Variants in RAP1GAP2 observed in about 807,000 individuals in gnomAD.
RAP1GAP2 encodes the protein rap1 GTPase-activating protein 2.
A neutral mutation model predicts 95.0 loss-of-function variants in RAP1GAP2; 27 were observed. The observed-to-expected ratio is 0.28, with a 90% CI of 0.21 to 0.39. The LOEUF (loss-of-function observed/expected upper bound fraction) is 0.39. Among genes scored for constraint, RAP1GAP2 ranks in the 10% least tolerant of loss-of-function variants. The pLI, the probability that RAP1GAP2 is intolerant of heterozygous loss-of-function variation, is 1.00. For missense variants in RAP1GAP2, 771 were observed against 970.0 expected, an observed-to-expected ratio of 0.79 and a Z score of 2.72; for synonymous variants, 373 against 380.9, an observed-to-expected ratio of 0.98 and a Z score of 0.24.
rs561321657 is a variant in RAP1GAP2 at position 2,821,083 on chromosome 17, C to T, written c.80+20533C>T. On this transcript the variant is annotated intron_variant, in intron 2 of 24. Transcript: ENST00000254695. ...AAACATGAACAGATCTCTGAATAAGCGCTTGGAAACCCTCATGGCTCCACT... is the reference window on the plus strand; with the variant it reads ...AAACATGAACAGATCTCTGAATAAGTGCTTGGAAACCCTCATGGCTCCACT... Among the ~76,000 whole-genome samples the T allele has an allele frequency of 4.6e-5, 7 of 151,934 alleles. No homozygotes were observed. In the South Asian group the frequency reaches 6.2e-4, roughly 14 times the overall value.
At chr17:2,981,292 C>T (rs574617122) in intron 10 of RAP1GAP2, 44 bp downstream of exon 10, 4 of 1,540,396 alleles carry the variant, frequency 2.6e-6, no homozygotes, top group East Asian at 2.3e-5. Context: ...TGCAGCTTGG[C>T]AAGGATTTGC....
In RAP1GAP2 at chr17:2,827,458, G is replaced by A. The variant is rs1426918236; in HGVS notation, c.80+26908G>A. ...CAGTGAGGCGATGAGGGTGGGGCTC[G>A]GGGCTGGGGGAAGGGGCTACCCTGG... On this transcript the variant is annotated intron_variant, in intron 2 of 24. Transcript: ENST00000254695. The surrounding 1 kb of genome is among the most constrained non-coding windows in gnomAD (Gnocchi z 4.1). Among the ~76,000 whole-genome samples the A allele has an allele frequency of 3.3e-5, 5 of 152,082 alleles. No individual in the cohort carries two copies. Among genetic ancestry groups the A allele is most frequent in the Non-Finnish European group, 7.3e-5 (5 of 68,028 alleles).
At chr17:2,996,280 C>A (rs531633068) in intron 13 of RAP1GAP2, among the ~76,000 whole-genome samples, 1 of 152,218 alleles carries the variant, frequency 6.6e-6, no homozygotes, top group African/African-American at 2.4e-5. Context: ...GCTGCTCTGA[C>A]AGCCGTGCAT....
At chr17:2,874,391 G>A (rs117572334) in intron 2 of RAP1GAP2, among the ~76,000 whole-genome samples, 6,147 of 152,206 alleles carry the variant, frequency 0.04, 256 homozygotes, top group Admixed American at 0.11. Flanking sequence ...GTCTTTTCCT[G>A]TGGAGAGTTA....
At chr17:2,875,606 C>T (rs1164703505) in intron 2 of RAP1GAP2, among the ~76,000 whole-genome samples, 1 of 152,154 alleles carries the variant, frequency 6.6e-6, no homozygotes, top group Admixed American at 6.6e-5. Context: ...TGTTGCTTTT[C>T]AGTGCCTCTC....
chr17:2,758,381 G>T (rs186884546), intron 1 of RAP1GAP2, among the ~76,000 whole-genome samples: 1 of 151,856 alleles, frequency 6.6e-6, no homozygotes, highest in East Asian at 1.9e-4. Context: ...TCACCATGTT[G>T]GCCAGGCTGG....
intron 8 of RAP1GAP2, among the ~76,000 whole-genome samples, chr17:2,973,163 T>C (rs796219825): frequency 1.7e-4 from 26 of 152,240 alleles, no homozygotes; most frequent in African/African-American, 5.8e-4. Context: ...GATTTTATCC[T>C]AAGAGTCATA....
chr17:2,977,172 C>G (rs972817880), intron 8 of RAP1GAP2, among the ~76,000 whole-genome samples: 9 of 150,790 alleles, frequency 6.0e-5, no homozygotes, highest in Admixed American at 3.3e-4. Context: ...AATAGTATTA[C>G]AGCAGTAAAG....
At chr17:2,835,363 G>T (rs573248054) in intron 2 of RAP1GAP2, among the ~76,000 whole-genome samples, 2 of 152,144 alleles carry the variant, frequency 1.3e-5, no homozygotes, top group South Asian at 2.1e-4. Context: ...GGGATTACAG[G>T]TGTGCGCCAC....
At chr17:2,929,586 G>A (rs1332450218) in intron 3 of RAP1GAP2, among the ~76,000 whole-genome samples, 1 of 152,186 alleles carries the variant, frequency 6.6e-6, no homozygotes, top group African/African-American at 2.4e-5. Context: ...CGGGGAGCAG[G>A]TGAGGTTGAC....
At chr17:2,829,399 A>AAGGGCT (rs2070734720) in intron 2 of RAP1GAP2, among the ~76,000 whole-genome samples, 1 of 151,958 alleles carries the variant, frequency 6.6e-6, no homozygotes, top group African/African-American at 2.4e-5. Flanking sequence ...GATCTCCATA[A>AAGGGCT]AGGGCTGGGG....
chr17:2,877,179 G>A (rs547743446), intron 2 of RAP1GAP2, among the ~76,000 whole-genome samples: 6 of 152,198 alleles, frequency 3.9e-5, no homozygotes, highest in African/African-American at 1.4e-4. Context: ...GTGAGCCACT[G>A]TGCCCAGCCT....
chr17:2,979,069 C>T (rs1027206107), intron 8 of RAP1GAP2, among the ~76,000 whole-genome samples: 1 of 151,982 alleles, frequency 6.6e-6, no homozygotes, highest in Non-Finnish European at 1.5e-5. Flanking sequence ...CCCATGGAAT[C>T]AAAAAACGGC....
chr17:2,820,293 C>G (rs945083642), intron 2 of RAP1GAP2, among the ~76,000 whole-genome samples: 3 of 151,908 alleles, frequency 2.0e-5, no homozygotes, highest in African/African-American at 7.3e-5. Context: ...GCTGTTGGGT[C>G]GCAGCTCTAC....
At chr17:2,766,905 C>CG (rs1367368901) in intron 1 of RAP1GAP2, among the ~76,000 whole-genome samples, 1 of 152,102 alleles carries the variant, frequency 6.6e-6, no homozygotes, top group Non-Finnish European at 1.5e-5. Context: ...TGCCTCTCCC[C>CG]GGGGAGGACT....
intron 2 of RAP1GAP2, among the ~76,000 whole-genome samples, chr17:2,809,986 CTG>C (rs995628924): frequency 6.7e-6 from 1 of 149,690 alleles, no homozygotes; most frequent in African/African-American, 2.5e-5. Context: ...TCAATAGGGG[CTG>C]TCAGTGGCCC....
rs1332720417 is a variant in RAP1GAP2, at chr17:3,008,649, C to T, written c.1494+504C>T. Among the ~76,000 whole-genome samples, 2 of 152,180 alleles carry T rather than the reference C, an allele frequency of 1.3e-5. No individual in the cohort carries two copies. Among genetic ancestry groups the T allele is most frequent in the African/African-American group, 4.8e-5 (2 of 41,442 alleles). On this transcript the variant is annotated intron_variant, in intron 17 of 24. Transcript: ENST00000254695. This position sits in a 1 kb window ranked among gnomAD's most constrained non-coding sequence, Gnocchi z 4.2. ...GGAACTATAGGCAAGTCCCTTTGGA[C>T]TTTGCCAAGGGAAAAAAACTAACTA...
chr17:2,924,306 G>A (rs2042885005), intron 3 of RAP1GAP2, among the ~76,000 whole-genome samples: 2 of 152,170 alleles, frequency 1.3e-5, no homozygotes, highest in Admixed American at 1.3e-4. Flanking sequence ...GTTCCGAGCC[G>A]AGGCTCAGTT....
chr17:2,930,932 T>C lies in RAP1GAP2; in HGVS notation c.165+25564T>C, dbSNP rs1442963608. On this transcript the variant is annotated intron_variant, in intron 3 of 24. Coordinates refer to ENST00000254695, the MANE Select transcript of RAP1GAP2 (RefSeq NM_015085.5). ...TGAGGTCAGGAGTTTGAGACCAGCC[T>C]GGCCAACATGGTGAAACTTCATCCC... Among the ~76,000 whole-genome samples, 5 of 152,220 alleles carry C rather than the reference T, an allele frequency of 3.3e-5. No individual in the cohort carries two copies. In the East Asian group the frequency reaches 9.7e-4, roughly 29 times the overall value.
Sources: allele counts gnomAD v4.1 joint callset (sites outside exome capture counted in the v4.1 genomes callset), GRCh38; gene constraint gnomAD v4.1.1; non-coding constraint Gnocchi (gnomAD v3.1); transcripts MANE v1.5; gene names NCBI Gene and HGNC (gene_info 2026-07-23, HGNC 2026-07-21).